KCNIP4: variants seen among roughly 807,000 people sequenced by gnomAD.
KCNIP4 encodes the protein potassium voltage-gated channel interacting protein 4.
A neutral mutation model predicts 34.0 loss-of-function variants in KCNIP4; 12 were observed. That is an observed-to-expected ratio of 0.35 (90% CI 0.23 to 0.57). KCNIP4 has a LOEUF of 0.57. Among genes scored for constraint, KCNIP4 ranks in the 20% least tolerant of loss-of-function variants. The pLI, the probability that KCNIP4 is intolerant of heterozygous loss-of-function variation, is 0.83. For synonymous variants in KCNIP4, 124 were observed against 102.2 expected (o/e 1.21, Z -1.29); for missense variants, 238 against 311.7 (o/e 0.76, Z 1.78).
In KCNIP4 at chr4:21,461,064, A is replaced by G. The variant is rs76457656; in HGVS notation, c.61+487507T>C. ...GTGTCTGCACCCAAATCTCACCTCA[A>G]ATTGTAATTCTGACATGTCAAATGA... On this transcript the variant is annotated intron_variant, in intron 1 of 8. Coordinates refer to ENST00000382152, the MANE Select transcript of KCNIP4 (RefSeq NM_025221.6). Among the ~76,000 whole-genome samples the G allele has an allele frequency of 1.1e-4, 16 of 152,182 alleles. No individual in the cohort carries two copies. In the East Asian group the frequency reaches 3.1e-3, roughly 29 times the overall value.
chr4:21,265,938 T>C (rs766443668), intron 1 of KCNIP4, among the ~76,000 whole-genome samples: 5 of 152,242 alleles, frequency 3.3e-5, no homozygotes, highest in Non-Finnish European at 7.3e-5. Context: ...ACCATAATAA[T>C]GATTGTTACA....
chr4:21,117,139 C>T (rs1225018889), intron 1 of KCNIP4, among the ~76,000 whole-genome samples: 1 of 152,052 alleles, frequency 6.6e-6, no homozygotes, highest in Non-Finnish European at 1.5e-5. Context: ...AGGCAGGTTG[C>T]TCAGTTAATA....
At chr4:21,130,566 T>C (rs1479700472) in intron 1 of KCNIP4, among the ~76,000 whole-genome samples, 1 of 152,164 alleles carries the variant, frequency 6.6e-6, no homozygotes, top group Non-Finnish European at 1.5e-5. Context: ...CCATGGAAAT[T>C]GTTTGTTTGT....
intron 1 of KCNIP4, among the ~76,000 whole-genome samples, chr4:21,332,015 T>C (rs549797462): frequency 9.9e-5 from 15 of 152,180 alleles, no homozygotes; most frequent in African/African-American, 3.4e-4. Flanking sequence ...CAAAATTTAG[T>C]AGAAAGTCAA....
chr4:21,786,296 T>G (rs1277209375), intron 1 of KCNIP4, among the ~76,000 whole-genome samples: 1 of 152,152 alleles, frequency 6.6e-6, no homozygotes, highest in Non-Finnish European at 1.5e-5. Flanking sequence ...GGTCATATGG[T>G]AACTACATGT....
intron 1 of KCNIP4, among the ~76,000 whole-genome samples, chr4:20,975,854 C>A (rs1240539325): frequency 6.6e-6 from 1 of 152,112 alleles, no homozygotes; most frequent in Non-Finnish European, 1.5e-5. Flanking sequence ...GTTAAAAGGG[C>A]AGACATTAAA....
chr4:20,789,491 A>G (rs1013657847), intron 3 of KCNIP4, among the ~76,000 whole-genome samples: 8 of 152,138 alleles, frequency 5.3e-5, no homozygotes, highest in African/African-American at 1.9e-4. Flanking sequence ...TTAGTATTAG[A>G]TTGCAAAAAT....
chr4:20,775,113 A>G (rs552163959), intron 3 of KCNIP4, among the ~76,000 whole-genome samples: 1 of 152,322 alleles, frequency 6.6e-6, no homozygotes, highest in African/African-American at 2.4e-5. Flanking sequence ...TATAAACTGA[A>G]CAAACAAAAG....
intron 1 of KCNIP4, among the ~76,000 whole-genome samples, chr4:21,769,912 G>A (rs886413586): frequency 6.6e-6 from 1 of 152,090 alleles, no homozygotes; most frequent in African/African-American, 2.4e-5. Flanking sequence ...ATTATTGTGA[G>A]GTTACTAAAA....
intron 1 of KCNIP4, among the ~76,000 whole-genome samples, chr4:21,129,579 A>C (rs1234556168): frequency 2.6e-5 from 4 of 152,212 alleles, no homozygotes; most frequent in African/African-American, 4.8e-5. Context: ...CAAACTTTGC[A>C]TATTTTCATT....
At chr4:21,728,589 T>A (rs918404484) in intron 1 of KCNIP4, among the ~76,000 whole-genome samples, 1 of 152,204 alleles carries the variant, frequency 6.6e-6, no homozygotes, top group Non-Finnish European at 1.5e-5. Flanking sequence ...GTCTCTCCAA[T>A]GACTACCCAT....
At chr4:21,566,513 T>G (rs1460473) in intron 1 of KCNIP4, among the ~76,000 whole-genome samples, 21,924 of 152,142 alleles carry the variant, frequency 0.14, 2,051 homozygotes, top group South Asian at 0.24. Flanking sequence ...AAGACATGTC[T>G]GCTTCCCCAT....
chr4:21,874,883 T>C (rs1726019474), intron 1 of KCNIP4, among the ~76,000 whole-genome samples: 1 of 152,066 alleles, frequency 6.6e-6, no homozygotes. Flanking sequence ...AAACAAGGAG[T>C]GTGCCACATC....
chr4:21,144,413 T>G (rs78399644), intron 1 of KCNIP4, among the ~76,000 whole-genome samples: 2,097 of 152,326 alleles, frequency 0.014, 92 homozygotes, highest in Admixed American at 0.084. Flanking sequence ...GACTGTTTAT[T>G]CATCCCAGAG....
chr4:21,642,632 C>T (rs1369865744), intron 1 of KCNIP4, among the ~76,000 whole-genome samples: 1 of 152,052 alleles, frequency 6.6e-6, no homozygotes, highest in African/African-American at 2.4e-5. Context: ...TTACGCTCTG[C>T]TTGTTCAGAA....
chr4:20,834,750 T>C (rs1718843055), intron 3 of KCNIP4, among the ~76,000 whole-genome samples: 1 of 152,166 alleles, frequency 6.6e-6, no homozygotes, highest in Non-Finnish European at 1.5e-5. Flanking sequence ...GCAAGGTTCT[T>C]GTGGGCTTCC....
At chr4:21,319,493 A>G (rs1320416232) in intron 1 of KCNIP4, among the ~76,000 whole-genome samples, 2 of 151,850 alleles carry the variant, frequency 1.3e-5, no homozygotes, top group African/African-American at 4.8e-5. Context: ...TGCTACCACC[A>G]CTCTGCAGCT....
intron 1 of KCNIP4, among the ~76,000 whole-genome samples, chr4:20,922,765 T>C (rs1043670279): frequency 1.3e-5 from 2 of 152,138 alleles, no homozygotes; most frequent in South Asian, 2.1e-4. Context: ...AAGAAAACTA[T>C]TTGGAAATAT....
At chr4:21,548,584 A>C (rs1012772026) in intron 1 of KCNIP4, among the ~76,000 whole-genome samples, 2 of 152,124 alleles carry the variant, frequency 1.3e-5, no homozygotes, top group Non-Finnish European at 1.5e-5. Flanking sequence ...GTCTAAAAAA[A>C]AAAAGCAAAC....
Sources: allele counts gnomAD v4.1 joint callset (sites outside exome capture counted in the v4.1 genomes callset), GRCh38; gene constraint gnomAD v4.1.1; transcripts MANE v1.5; gene names NCBI Gene and HGNC (gene_info 2026-07-23, HGNC 2026-07-21).